Variants in TRPM3 observed in about 807,000 individuals in gnomAD.
TRPM3 encodes transient receptor potential cation channel subfamily M member 3.
TRPM3 carries 77 observed loss-of-function variants against 181.2 expected under a neutral mutation model. That is an observed-to-expected ratio of 0.42 (90% CI 0.35 to 0.51). The LOEUF (loss-of-function observed/expected upper bound fraction) is 0.51. Among genes scored for constraint, TRPM3 ranks in the 20% least tolerant of loss-of-function variants. The pLI, the probability that TRPM3 is intolerant of heterozygous loss-of-function variation, is 0.01. For missense variants in TRPM3, 1,759 were observed against 2,196.7 expected (o/e 0.80, Z 3.98); for synonymous variants, 745 against 796.4 (o/e 0.94, Z 1.09).
chr9:70,814,629 T>C (rs2092501924), intron 6 of TRPM3, among the ~76,000 whole-genome samples: 1 of 152,184 alleles, frequency 6.6e-6, no homozygotes, highest in Non-Finnish European at 1.5e-5. Context: ...CTCTCTAATG[T>C]CCTTAACCAG....
intron 1 of TRPM3, among the ~76,000 whole-genome samples, chr9:71,111,162 A>T (rs1212191891): frequency 6.6e-6 from 1 of 152,222 alleles, no homozygotes; most frequent in Non-Finnish European, 1.5e-5. Flanking sequence ...TGACAATAAG[A>T]TGAGAAAATG....
chr9:71,096,586 A>ACG (rs1410846317), intron 1 of TRPM3, among the ~76,000 whole-genome samples: 121 of 100,248 alleles, frequency 1.2e-3, no homozygotes, highest in African/African-American at 4.4e-3. Context: ...ACACACACAC[A>ACG]CACACTCTCT....
At chr9:71,059,473 T>G in intron 1 of TRPM3, among the ~76,000 whole-genome samples, 1 of 152,062 alleles carries the variant, frequency 6.6e-6, no homozygotes, top group East Asian at 1.9e-4. Flanking sequence ...AGTACCATAC[T>G]TTAAGGATAC....
intron 3 of TRPM3, among the ~76,000 whole-genome samples, chr9:70,860,374 T>C (rs1017096084): frequency 9.2e-5 from 14 of 152,154 alleles, no homozygotes; most frequent in African/African-American, 3.1e-4. Flanking sequence ...TAGCTCTTTG[T>C]AGGAAGAATA....
At chr9:70,685,021 T>C (rs1322472224) in intron 8 of TRPM3, among the ~76,000 whole-genome samples, 1 of 152,196 alleles carries the variant, frequency 6.6e-6, no homozygotes, top group African/African-American at 2.4e-5. Context: ...AGATTGCTGA[T>C]TATCTTTATA....
intron 9 of TRPM3, among the ~76,000 whole-genome samples, chr9:70,670,833 A>T (rs968367836): frequency 1.8e-4 from 28 of 152,196 alleles, no homozygotes; most frequent in African/African-American, 6.8e-4. Flanking sequence ...TGTCCCTTAT[A>T]TCAAACCATA....
intron 1 of TRPM3, among the ~76,000 whole-genome samples, chr9:71,129,676 A>C (rs1587534901): frequency 6.6e-6 from 1 of 152,338 alleles, no homozygotes; most frequent in South Asian, 2.1e-4. Context: ...GCTGCTGCCA[A>C]TTAAATAAAA....
At chr9:70,767,686 G>A (rs1050945998) in intron 7 of TRPM3, among the ~76,000 whole-genome samples, 1 of 152,130 alleles carries the variant, frequency 6.6e-6, no homozygotes, top group Admixed American at 6.6e-5. Flanking sequence ...CATCTGTTGA[G>A]GCTAGAATAT....
Position 70,862,963 on chromosome 9 carries a change from G to A in TRPM3, c.407C>T (p.Thr136Met), listed in dbSNP as rs1048349946. The stretch of plus-strand genomic sequence containing the variant: ...GAACTCAATGGTCCCAAAAGCATCC[G>A]TAGGGCTGAGTTGAGTGTGTTTGCT... ...SISKHTQLSPTDAFGTIEFQG... is the reference protein window; with the variant it reads ...SISKHTQLSPMDAFGTIEFQG... Residue 136 changes from threonine (T) to methionine (M), a missense_variant, in exon 3 of 26, where the codon ACG (threonine) becomes ATG (methionine). Physicochemically the swap from Thr to Met is moderately conservative, Grantham distance 81. This residue lies in a region of TRPM3 where 737 missense variants were observed against 957.4 expected (regional missense o/e 0.77). Coordinates refer to ENST00000677713, the MANE Select transcript of TRPM3 (RefSeq NM_001366145.2). 3.1e-6 allele frequency: 5 copies of A among 1,613,670 alleles called. No homozygotes were observed. Among genetic ancestry groups the A allele is most frequent in the Admixed American group, 1.7e-5 (1 of 59,990 alleles).
chr9:70,740,169 C>T lies in TRPM3; in HGVS notation c.1272+21432G>A, dbSNP rs1396570318. On this transcript the variant is annotated intron_variant, in intron 8 of 25. Transcript: ENST00000677713. ...TACACAAATCAGTAGCTCTGCCATACACCATCAACGACCAAGCTGAGAATA... is the reference window on the plus strand; with the variant it reads ...TACACAAATCAGTAGCTCTGCCATATACCATCAACGACCAAGCTGAGAATA... Among the ~76,000 whole-genome samples the T allele has an allele frequency of 3.3e-5, 5 of 152,172 alleles. No homozygotes were observed. The East Asian group carries it at 9.6e-4, about 29-fold the overall frequency.
chr9:71,118,792 A>G (rs552041365), intron 1 of TRPM3, among the ~76,000 whole-genome samples: 1 of 152,040 alleles, frequency 6.6e-6, no homozygotes, highest in Admixed American at 6.5e-5. Flanking sequence ...GTATGGAGGG[A>G]GGTGGAACAA....
intron 1 of TRPM3, among the ~76,000 whole-genome samples, chr9:71,096,422 A>G (rs995628913): frequency 3.3e-5 from 5 of 151,514 alleles, no homozygotes; most frequent in Middle Eastern, 3.4e-3. Flanking sequence ...ATCAGAGACA[A>G]AACAAAGACC....
intron 1 of TRPM3, among the ~76,000 whole-genome samples, chr9:71,443,273 C>T (rs535264303): frequency 9.2e-4 from 140 of 151,846 alleles, no homozygotes; most frequent in Middle Eastern, 6.8e-3. Flanking sequence ...ATAAAGCTTC[C>T]ATTGTAAACC....
At chr9:71,046,643 T>C (rs900669570) in intron 1 of TRPM3, among the ~76,000 whole-genome samples, 5 of 152,164 alleles carry the variant, frequency 3.3e-5, no homozygotes, top group Non-Finnish European at 5.9e-5. Context: ...TTGTCACTTA[T>C]TGAGATATTT....
At chr9:71,077,906 CT>C (rs574083427) in intron 1 of TRPM3, among the ~76,000 whole-genome samples, 3,113 of 130,716 alleles carry the variant, frequency 0.024, 64 homozygotes, top group African/African-American at 0.064. Context: ...TTGTTTTTGT[CT>C]TTTTTTTTTT....
At chr9:71,372,269 A>G (rs977651504) in intron 1 of TRPM3, among the ~76,000 whole-genome samples, 8 of 152,106 alleles carry the variant, frequency 5.3e-5, no homozygotes, top group Non-Finnish European at 1.0e-4. Flanking sequence ...TGACTTTGCT[A>G]TTGTAAATAG....
intron 22 of TRPM3, among the ~76,000 whole-genome samples, chr9:70,573,775 T>C (rs1023340994): frequency 2.0e-5 from 3 of 151,854 alleles, no homozygotes; most frequent in African/African-American, 4.8e-5. Flanking sequence ...AGAGTTCAGG[T>C]CTAATCACTT....
At chr9:70,556,854 C>T (rs1456394525) in intron 22 of TRPM3, among the ~76,000 whole-genome samples, 1 of 152,206 alleles carries the variant, frequency 6.6e-6, no homozygotes, top group Admixed American at 6.5e-5. Context: ...AAGTAATGTA[C>T]TGTCAAGATC....
At chr9:71,316,211 C>A (rs185553975) in intron 1 of TRPM3, among the ~76,000 whole-genome samples, 1 of 152,134 alleles carries the variant, frequency 6.6e-6, no homozygotes, top group Non-Finnish European at 1.5e-5. Flanking sequence ...GTTATCCCAA[C>A]GTCTACTTTT....
Sources: allele counts gnomAD v4.1 joint callset (sites outside exome capture counted in the v4.1 genomes callset), GRCh38; gene constraint gnomAD v4.1.1; regional missense constraint gnomAD v4.1.1; transcripts MANE v1.5; gene names NCBI Gene and HGNC (gene_info 2026-07-23, HGNC 2026-07-21).